The following ATP2C2 variants were observed in gnomAD, a reference collection of about 807,000 sequenced individuals.
ATP2C2 encodes ATPase secretory pathway Ca2+ transporting 2.
In ATP2C2, 171 loss-of-function variants were observed where a neutral mutation model predicts 110.8. That is an observed-to-expected ratio of 1.54 (90% confidence interval 1.36 to 1.75). ATP2C2 has a LOEUF of 1.75. Among genes scored for constraint, ATP2C2 ranks in the 40% most tolerant of loss-of-function variants. The pLI, the probability that ATP2C2 is intolerant of heterozygous loss-of-function variation, is 0.00. For synonymous variants in ATP2C2, 804 were observed against 508.4 expected, an observed-to-expected ratio of 1.58 and a Z score of -7.82; for missense variants, 1,963 against 1,235.0, an observed-to-expected ratio of 1.59 and a Z score of -8.84.
chr16:84,444,176 A>C (rs1017774418), intron 15 of ATP2C2, among the ~76,000 whole-genome samples: 7 of 151,256 alleles, frequency 4.6e-5, no homozygotes, highest in African/African-American at 1.5e-4. Flanking sequence ...AAAAAAAAAA[A>C]AAAAAAAACA....
chr16:84,403,022 T>G (rs917931342), intron 2 of ATP2C2, among the ~76,000 whole-genome samples: 1 of 152,216 alleles, frequency 6.6e-6, no homozygotes, highest in East Asian at 1.9e-4. Flanking sequence ...AGGTTCTGTG[T>G]GTCTAGGAAT....
At chr16:84,408,597 G>C (rs878873593) in intron 4 of ATP2C2, 103 bp downstream of exon 4, 10 of 882,254 alleles carry the variant, frequency 1.1e-5, no homozygotes, top group Middle Eastern at 2.5e-4. Context: ...TGCTGTAGGG[G>C]GGAAAAAGGA....
Position 84,454,844 on chromosome 16 carries a change from G to GGCCATGACTGGGGATGGGGTGAACGAA in ATP2C2, c.2033_2034insAGCCATGACTGGGGATGGGGTGAACGA (p.Asn677_Asp678insGluAlaMetThrGlyAspGlyValAsn), listed in dbSNP as rs1597873752. ...CTCTGCAGGAGTCAGGGGCGATCGT[G>GGCCATGACTGGGGATGGGGTGAACGAA]GCCATGACTGGGGATGGGGTGAACG... On this transcript the variant is annotated inframe_insertion, in exon 21 of 27. Transcript: ENST00000262429. 2 of 1,612,226 alleles carry GGCCATGACTGGGGATGGGGTGAACGAA rather than the reference G, an allele frequency of 1.2e-6. No homozygotes were observed. Among genetic ancestry groups the GGCCATGACTGGGGATGGGGTGAACGAA allele is most frequent in the East Asian group, 4.5e-5 (2 of 44,794 alleles).
intron 11 of ATP2C2, among the ~76,000 whole-genome samples, chr16:84,437,035 T>TAC (rs1908806553): frequency 6.6e-6 from 1 of 152,170 alleles, no homozygotes; most frequent in Non-Finnish European, 1.5e-5. Context: ...GTGCTGGGAT[T>TAC]ACAGGCATGA....
chr16:84,451,809 A>T, intron 17 of ATP2C2, 112 bp from the exon 18 acceptor site: 1 of 1,139,564 alleles, frequency 8.8e-7, no homozygotes, highest in Non-Finnish European at 1.3e-6. Flanking sequence ...CTGCACTCCA[A>T]CCTGGGCGAT....
chr16:84,461,002 G>A (rs896116711), intron 24 of ATP2C2: 24 of 714,834 alleles, frequency 3.4e-5, no homozygotes, highest in South Asian at 1.3e-4. Context: ...AGGTCGCCAG[G>A]TGTGTGCCTG....
At chr16:84,435,568 G>A (rs1176296480) in intron 11 of ATP2C2, among the ~76,000 whole-genome samples, 1 of 152,230 alleles carries the variant, frequency 6.6e-6, no homozygotes, top group African/African-American at 2.4e-5. Context: ...GCTCATGCCT[G>A]TAATCCCAGC....
chr16:84,410,590 T>C lies in ATP2C2; in HGVS notation c.440T>C (p.Val147Ala), dbSNP rs374685827. The stretch of plus-strand genomic sequence containing the variant: ...TAGGCAGTGCTTGTCGTGGTCACTG[T>C]CGCCTTCATCCAGGTGAGTATTTCC... ...IATAVLVVVTVAFIQEYRSEK... is the reference protein window; with the variant it reads ...IATAVLVVVTAAFIQEYRSEK... The change falls in exon 5 of 27, where the codon GTC becomes GCC. Residue 147 changes from valine (V) to alanine (A), a missense_variant. By Grantham distance (64) the Val-to-Ala change is moderately conservative (BLOSUM62 0). Transcript: ENST00000262429. The C allele has an allele frequency of 4.0e-5, 65 of 1,614,018 alleles. No homozygotes were observed. The highest frequency in any genetic ancestry group is 5.2e-5 in the Non-Finnish European group (61 of 1,180,016).
Position 84,422,666 on chromosome 16 carries a change from G to C in ATP2C2, c.812G>C (p.Gly271Ala), listed in dbSNP as rs767031281. The stretch of plus-strand genomic sequence containing the variant: ...GGAACAGGGGAAAGCTCTCAGTTCG[G>C]AGAAGTGTTTAAGATGATGCAGGCT... ...VIGTGESSQF[G>A]EVFKMMQAEE... The change falls in exon 9 of 27, where the codon GGA (glycine) becomes GCA (alanine). Residue 271 changes from glycine (G) to alanine (A), a missense_variant. Transcript: ENST00000262429. 25 of 1,613,554 alleles carry C rather than the reference G, an allele frequency of 1.5e-5. No homozygotes were observed. The highest frequency in any genetic ancestry group is 2.1e-5 in the Non-Finnish European group (25 of 1,179,822).
intron 23 of ATP2C2, chr16:84,460,043 C>T (rs1911126347): frequency 4.8e-6 from 1 of 208,530 alleles, no homozygotes; most frequent in Admixed American, 5.3e-5. Flanking sequence ...TCCGCTGGAG[C>T]TCAGTGCTGC....
chr16:84,451,100 C>T lies in ATP2C2; in HGVS notation c.1661-821C>T, dbSNP rs566293871. ...AAGAGGTTGAATGGACTCAGTTCCA[C>T]GTGGCTGGGGAGGCCTTGCAATCAT... On this transcript the variant is annotated intron_variant, in intron 17 of 26. Transcript: ENST00000262429. 1.4e-4 allele frequency among the ~76,000 whole-genome samples: 21 copies of T among 152,230 alleles called. No homozygotes were observed. The South Asian group carries it at 1.9e-3, about 14-fold the overall frequency.
chr16:84,388,874 C>T (rs552638259), intron 1 of ATP2C2, among the ~76,000 whole-genome samples: 7 of 152,278 alleles, frequency 4.6e-5, no homozygotes, highest in African/African-American at 1.2e-4. Context: ...TGGGTTCAAG[C>T]GATTCTCCTG....
intron 11 of ATP2C2, among the ~76,000 whole-genome samples, chr16:84,430,244 C>T (rs1908146789): frequency 6.6e-6 from 1 of 152,156 alleles, no homozygotes; most frequent in African/African-American, 2.4e-5. Context: ...GGACAACAAG[C>T]TCGTTGAAGG....
intron 1 of ATP2C2, among the ~76,000 whole-genome samples, chr16:84,379,059 C>A (rs1420290313): frequency 6.6e-6 from 1 of 152,070 alleles, no homozygotes; most frequent in African/African-American, 2.4e-5. Context: ...TGATCTACTG[C>A]ACAGATCATC....
At chr16:84,461,189 C>G (rs1567468222) in intron 24 of ATP2C2, 3 of 252,750 alleles carry the variant, frequency 1.2e-5, no homozygotes, top group Non-Finnish European at 2.3e-5. Flanking sequence ...GCCTGGGTCA[C>G]CTTTTCATGG....
intron 11 of ATP2C2, among the ~76,000 whole-genome samples, chr16:84,428,527 C>T (rs548023564): frequency 6.6e-6 from 1 of 152,064 alleles, no homozygotes; most frequent in Non-Finnish European, 1.5e-5. Flanking sequence ...ATCTTAGTAA[C>T]ACCAAATGCT....
Position 84,420,369 on chromosome 16 carries a change from A to C in ATP2C2, c.625-2021A>C, listed in dbSNP as rs567384481. On this transcript the variant is annotated intron_variant, in intron 7 of 26. Coordinates refer to ENST00000262429, the MANE Select transcript of ATP2C2 (RefSeq NM_014861.4). Reference sequence around the variant, plus strand: ...CAGTCCAAACCCACACTCACTCCCCACCCCATGTGCCTCCTCTCTTCCAAA... The same window carrying C: ...CAGTCCAAACCCACACTCACTCCCCCCCCCATGTGCCTCCTCTCTTCCAAA... Among the ~76,000 whole-genome samples the C allele has an allele frequency of 9.4e-4, 140 of 149,072 alleles. 1 individual carries two copies. Among genetic ancestry groups the C allele is most frequent in the Non-Finnish European group, 1.6e-3 (110 of 67,332 alleles).
chr16:84,377,898 G>A (rs1024009910), intron 1 of ATP2C2, among the ~76,000 whole-genome samples: 1 of 152,180 alleles, frequency 6.6e-6, no homozygotes, highest in Non-Finnish European at 1.5e-5. Flanking sequence ...TCTGCCCCAA[G>A]TCCTCAGGAG....
intron 17 of ATP2C2, among the ~76,000 whole-genome samples, chr16:84,450,054 A>G (rs529016650): frequency 6.6e-6 from 1 of 152,348 alleles, no homozygotes; most frequent in Admixed American, 6.5e-5. Context: ...GCGGAGCGTA[A>G]TGACGCGTTC....
Sources: allele counts gnomAD v4.1 joint callset (sites outside exome capture counted in the v4.1 genomes callset), GRCh38; gene constraint gnomAD v4.1.1; transcripts MANE v1.5; gene names NCBI Gene and HGNC (gene_info 2026-07-23, HGNC 2026-07-21).